The following PCNX2 variants were observed in gnomAD, a reference collection of about 807,000 sequenced individuals.
PCNX2 encodes the protein pecanex-like protein 2.
Under a neutral mutation model 223.8 loss-of-function variants are expected in PCNX2, and 168 were observed. That is an observed-to-expected ratio of 0.75 (90% CI 0.66 to 0.85). The LOEUF is 0.85. Among genes scored for constraint, PCNX2 ranks in the 40% least tolerant of loss-of-function variants. The pLI, the probability that PCNX2 is intolerant of heterozygous loss-of-function variation, is 0.00. For synonymous variants in PCNX2, 1,006 were observed against 1,052.6 expected (o/e 0.96, Z 0.86); for missense variants, 2,507 against 2,675.5 (o/e 0.94, Z 1.39).
Position 233,263,183 on chromosome 1 carries a change from GA to G in PCNX2, c.154-21del. On this transcript the variant is annotated intron_variant, in intron 1 of 33. Transcript: ENST00000258229. ...AAAAGCCTGAAGAAAGGAAAAGACA[GA>G]GAAAAATCATTTGCTTTTAAGATTT... 33 of 1,537,038 alleles carry G rather than the reference GA, an allele frequency of 2.1e-5. No individual in the cohort carries two copies. Among genetic ancestry groups the G allele is most frequent in the Non-Finnish European group, 2.9e-5 (33 of 1,135,674 alleles).
intron 21 of PCNX2, among the ~76,000 whole-genome samples, chr1:233,108,282 G>T (rs996775875): frequency 3.3e-5 from 5 of 152,104 alleles, no homozygotes; most frequent in Non-Finnish European, 1.5e-5. Context: ...GTCTGGATTG[G>T]GAATCCTTTC....
At position 233,259,037 on chromosome 1, in the gene PCNX2, C is replaced by G; in HGVS notation, c.825G>C (p.Pro275=). 1 of 1,613,964 alleles carries G rather than the reference C, an allele frequency of 6.2e-7. No homozygotes were observed. Among genetic ancestry groups the G allele is most frequent in the South Asian group, 1.1e-5 (1 of 91,080 alleles). Residue 275 remains proline, a synonymous_variant, in exon 5 of 34, where the codon CCG becomes CCC. Coordinates refer to ENST00000258229, the MANE Select transcript of PCNX2 (RefSeq NM_014801.4). ...TCAGGACTGAATTCTCACTCCCCCA[C>G]GGCTGGAAAGAAACGTCTGTTTCTA... ...DLLETDVSFQ[P]WGSENSVLIP... is the part of the protein sequence containing the mutation.
At chr1:232,995,401 T>C (rs1490259425) in intron 32 of PCNX2, among the ~76,000 whole-genome samples, 2 of 152,200 alleles carry the variant, frequency 1.3e-5, no homozygotes, top group Admixed American at 1.3e-4. Context: ...AGCGGTGGCC[T>C]TGGCAGGAAG....
At chr1:233,301,350 T>C in the PCNX2 span, among the ~76,000 whole-genome samples, 2 of 152,164 alleles carry the variant, frequency 1.3e-5, no homozygotes, top group Non-Finnish European at 2.9e-5. Context: ...AAAGAGAATG[T>C]TGACCATTAA....
intron 8 of PCNX2, among the ~76,000 whole-genome samples, chr1:233,249,555 G>T (rs1041176126): frequency 1.3e-5 from 2 of 152,196 alleles, no homozygotes; most frequent in Non-Finnish European, 2.9e-5. Context: ...ATGCCTGTTG[G>T]CTGGAGAAGA....
At chr1:233,216,526 C>A (rs1028439627) in intron 12 of PCNX2, among the ~76,000 whole-genome samples, 1 of 151,936 alleles carries the variant, frequency 6.6e-6, no homozygotes, top group Non-Finnish European at 1.5e-5. Context: ...TAGCTTTAAT[C>A]AAAAAGACAA....
At chr1:233,206,947 G>A (rs1262508716) in intron 13 of PCNX2, among the ~76,000 whole-genome samples, 1 of 151,932 alleles carries the variant, frequency 6.6e-6, no homozygotes, top group East Asian at 1.9e-4. Context: ...GGAGGTGGAG[G>A]TTGCTGTGAG....
intron 26 of PCNX2, chr1:233,019,131 T>G (rs1480576783): frequency 1.0e-6 from 1 of 985,234 alleles, no homozygotes; most frequent in Non-Finnish European, 1.2e-6. Context: ...AGTCTGTGAT[T>G]TCCACTAAAC....
chr1:233,289,445 C>T, intron 1 of PCNX2: 1 of 1,370,012 alleles, frequency 7.3e-7, no homozygotes, highest in Non-Finnish European at 1.0e-6. Flanking sequence ...TCGTACTGAA[C>T]ATGGCCTTCT....
At chr1:233,177,047 A>G (rs900900493) in intron 17 of PCNX2, among the ~76,000 whole-genome samples, 1 of 152,222 alleles carries the variant, frequency 6.6e-6, no homozygotes, top group Non-Finnish European at 1.5e-5. Context: ...GCTTGTAAAA[A>G]AATAAAGTAA....
In PCNX2 at chr1:233,122,073, T is replaced by TACACACAC. The variant is rs3033285; in HGVS notation, c.3837+12932_3837+12939dup. On this transcript the variant is annotated intron_variant, in intron 21 of 33. Transcript: ENST00000258229. The stretch of plus-strand genomic sequence containing the variant: ...CCTGTAGTGACAGAAAGTTAGAAAG[T>TACACACAC]ACACACACACACACACACACACACA... Among the ~76,000 whole-genome samples, 683 of 131,476 alleles carry TACACACAC rather than the reference T, an allele frequency of 5.2e-3. 6 individuals are homozygous for TACACACAC. Among genetic ancestry groups the TACACACAC allele is most frequent in the African/African-American group, 0.017 (608 of 36,058 alleles). The allele number at this position is 131,476 out of a possible 152,430, so 86.3% of individuals were successfully genotyped here.
intron 24 of PCNX2, chr1:233,054,713 A>G (rs1259775102): frequency 2.3e-6 from 1 of 441,336 alleles, no homozygotes; most frequent in Non-Finnish European, 4.0e-6. Flanking sequence ...ATCGATTTAT[A>G]TATATGTGCT....
intron 12 of PCNX2, among the ~76,000 whole-genome samples, chr1:233,216,570 A>C (rs1656929088): frequency 6.6e-6 from 1 of 152,334 alleles, no homozygotes; most frequent in Admixed American, 6.5e-5. Flanking sequence ...TTTGGAGAAA[A>C]GGAAACCCTT....
intron 33 of PCNX2, 50 bp downstream of exon 33, chr1:232,986,042 C>A (rs1213403028): frequency 1.3e-6 from 2 of 1,540,884 alleles, no homozygotes; most frequent in Non-Finnish European, 1.8e-6. Flanking sequence ...AGGCCAGGAG[C>A]CCGTGCCACC....
At position 232,999,231 on chromosome 1, in the gene PCNX2, C is replaced by T; in HGVS notation, c.5477G>A (p.Gly1826Glu). Reference sequence around the variant, plus strand: ...TAGTGGGGAGACATACATGGGGTACCCCAGGGGCTGATCGCAGGAGGAGTT... The same window carrying T: ...TAGTGGGGAGACATACATGGGGTACTCCAGGGGCTGATCGCAGGAGGAGTT... ...LINSSCDQPL[G>E]YPMYVSPLTT... Residue 1826 changes from glycine to glutamate, a missense_variant, in exon 31 of 34, where the codon GGG (glycine) becomes GAG (glutamate). Gly to Glu is a moderately conservative substitution (Grantham distance 98, BLOSUM62 -2). Coordinates refer to ENST00000258229, the MANE Select transcript of PCNX2 (RefSeq NM_014801.4). The T allele has an allele frequency of 6.2e-7, 1 of 1,613,810 alleles. No individual in the cohort carries two copies. The highest frequency in any genetic ancestry group is 8.5e-7 in the Non-Finnish European group (1 of 1,179,822).
intron 21 of PCNX2, among the ~76,000 whole-genome samples, chr1:233,123,867 A>T (rs1282898530): frequency 6.6e-6 from 1 of 152,234 alleles, no homozygotes; most frequent in African/African-American, 2.4e-5. Context: ...TCACTGAAAA[A>T]GACCATATAG....
At chr1:233,131,650 G>A (rs754059346) in intron 21 of PCNX2, among the ~76,000 whole-genome samples, 39 of 152,136 alleles carry the variant, frequency 2.6e-4, no homozygotes, top group Non-Finnish European at 4.7e-4. Context: ...CAGCATTAGC[G>A]GGAGGCAAGA....
At chr1:233,319,634 C>T in the PCNX2 span, among the ~76,000 whole-genome samples, 2 of 152,224 alleles carry the variant, frequency 1.3e-5, no homozygotes, top group African/African-American at 2.4e-5. Context: ...AGGTTTTGAA[C>T]AAAGGGTCTT....
chr1:233,190,678 A>C lies in PCNX2; in HGVS notation c.3066+8261T>G, dbSNP rs554600536. 7.5e-4 allele frequency among the ~76,000 whole-genome samples: 115 copies of C among 152,320 alleles called. 1 individual carries two copies. In the South Asian group the frequency reaches 0.023, roughly 31 times the overall value. ...AAGCACCCCAGTTTCAACTGGTCAA[A>C]GCCTGTTTCAACACCTAAGTAAACC... On this transcript the variant is annotated intron_variant, in intron 15 of 33. Transcript: ENST00000258229.
Sources: gnomAD v4.1 joint callset for allele counts (sites outside exome capture counted in the v4.1 genomes callset) on GRCh38, gnomAD v4.1.1 for gene constraint, MANE v1.5 for transcripts, NCBI Gene and HGNC (gene_info 2026-07-23, HGNC 2026-07-21) for gene names.